The following UQCC2 variants were observed in gnomAD, a reference collection of about 807,000 sequenced individuals.
The protein encoded by UQCC2 is breast cancer-associated protein SGA-81M.
Under a neutral mutation model 19.9 loss-of-function variants are expected in UQCC2, and 21 were observed. The ratio of observed to expected loss-of-function variants is 1.05; its 90% CI spans 0.75 to 1.52. UQCC2 has a LOEUF of 1.52. Ranked by LOEUF, UQCC2 falls within the 40% of genes most tolerant of loss-of-function variation. The pLI, the probability that UQCC2 is intolerant of heterozygous loss-of-function variation, is 0.00. For synonymous variants in UQCC2, 57 were observed against 60.9 expected, an observed-to-expected ratio of 0.94 and a Z score of 0.30; for missense variants, 135 against 157.5, an observed-to-expected ratio of 0.86 and a Z score of 0.76.
At chr6:33,698,513 C>T (rs1000695509) in intron 3 of UQCC2, 4 of 152,188 alleles carry the variant, frequency 2.6e-5, no homozygotes, top group Admixed American at 2.0e-4. Context: ...TGGCACACAG[C>T]CCGCACTCAA....
chr6:33,710,036 G>A lies in UQCC2; in HGVS notation c.138+1513C>T, dbSNP rs527600756. 6.6e-5 allele frequency among the ~76,000 whole-genome samples: 10 copies of A among 152,172 alleles called. No homozygotes were observed. In the East Asian group the frequency reaches 1.4e-3, roughly 21 times the overall value. ...TACCTCAGTAAATGGCACCATCTTA[G>A]ACCTAGATGCCCAGGCCAAAAAATA... On this transcript the variant is annotated intron_variant, in intron 1 of 3. Transcript: ENST00000607484.
At chr6:33,703,098 G>A (rs765641159) in intron 1 of UQCC2, among the ~76,000 whole-genome samples, 1 of 152,226 alleles carries the variant, frequency 6.6e-6, no homozygotes, top group Non-Finnish European at 1.5e-5. Flanking sequence ...TGGTCTCCCT[G>A]CTGCTGGTCA....
chr6:33,700,015 A>C (rs1765620533), intron 3 of UQCC2, among the ~76,000 whole-genome samples: 1 of 152,150 alleles, frequency 6.6e-6, no homozygotes, highest in Non-Finnish European at 1.5e-5. Flanking sequence ...TATCTAACCC[A>C]CAGACCACGT....
chr6:33,701,525 A>G, intron 1 of UQCC2, 105 bp from the exon 2 acceptor site: 1 of 1,131,574 alleles, frequency 8.8e-7, no homozygotes, highest in Non-Finnish European at 1.3e-6. Context: ...CACATGAAGC[A>G]GGCCTGCAGC....
intron 1 of UQCC2, 152 bp from the exon 2 acceptor site, chr6:33,701,572 G>T: frequency 1.6e-6 from 1 of 632,852 alleles, no homozygotes. Flanking sequence ...AAGCAAACCT[G>T]GACTACAGCT....
At chr6:33,711,242 G>C (rs1204607527) in intron 1 of UQCC2, among the ~76,000 whole-genome samples, 1 of 152,184 alleles carries the variant, frequency 6.6e-6, no homozygotes, top group Non-Finnish European at 1.5e-5. Flanking sequence ...GTCATCCTGG[G>C]CTCAAGCGAT....
At position 33,700,475 on chromosome 6, in the gene UQCC2, C is replaced by A; in HGVS notation, c.252G>T (p.Ser84=). 6.2e-7 allele frequency: 1 copy of A among 1,614,174 alleles called. No homozygotes were observed. Among genetic ancestry groups the A allele is most frequent in the Non-Finnish European group, 8.5e-7 (1 of 1,180,026 alleles). ...ACAGGATCAGCTTGTACTCTTCCAA[C>A]GACAGGCCACTGAAGCTGGTGTCTC... ...RPRDTSFSGL[S]LEEYKLILST... Residue 84 remains serine, a synonymous_variant, in exon 3 of 4, where the codon TCG becomes TCT. Transcript: ENST00000607484.
rs368277363 is a variant in UQCC2 at position 33,698,929 on chromosome 6, TAA to T, written c.284-1181_284-1180del. Among the ~76,000 whole-genome samples the T allele has an allele frequency of 3.2e-3, 486 of 152,308 alleles. 1 individual carries two copies. The highest frequency in any genetic ancestry group is 6.5e-3 in the African/African-American group (269 of 41,566). On this transcript the variant is annotated intron_variant, in intron 3 of 3. Coordinates refer to ENST00000607484, the MANE Select transcript of UQCC2 (RefSeq NM_032340.4). Reference sequence around the variant, plus strand: ...ATAATATTGTTTTGCTTTACCAGCCTAAATTTTCACGTTAACAAAACTACTGG... The same window carrying T: ...ATAATATTGTTTTGCTTTACCAGCCTATTTTCACGTTAACAAAACTACTGG...
rs926918888 is a variant in UQCC2, at chr6:33,705,566, A to G, written c.139-4146T>C. On this transcript the variant is annotated intron_variant, in intron 1 of 3. Coordinates refer to ENST00000607484, the MANE Select transcript of UQCC2 (RefSeq NM_032340.4). ...TTTCTAGCCAAGTTCTTACTGCTTG[A>G]GGAGTGATGAAGCCTTGGTCAATGC... 3.9e-4 allele frequency among the ~76,000 whole-genome samples: 59 copies of G among 152,274 alleles called. 1 individual carries two copies. Among genetic ancestry groups the G allele is most frequent in the Non-Finnish European group, 6.3e-4 (43 of 68,026 alleles).
At chr6:33,707,363 G>A (rs6941770) in intron 1 of UQCC2, among the ~76,000 whole-genome samples, 3,233 of 152,312 alleles carry the variant, frequency 0.021, 42 homozygotes, top group South Asian at 0.047. Context: ...TGGCTTCACC[G>A]TGGCCAGCAT....
rs1377090469 is a variant in UQCC2, at chr6:33,697,342, G to T, written c.*311C>A. 2 of 277,620 alleles carry T rather than the reference G, an allele frequency of 7.2e-6. No homozygotes were observed. Among genetic ancestry groups the T allele is most frequent in the Non-Finnish European group, 1.3e-5 (2 of 149,026 alleles). The allele number at this position is 277,620 out of a possible 1,614,324, so 17.2% of individuals were successfully genotyped here. On this transcript the variant is annotated 3_prime_UTR_variant, in exon 4 of 4. Transcript: ENST00000607484. ...GGAGACACCAGACCCGTGCCAGAGG[G>T]GCGGGGGCTCCCGTGGCAATGCAGG...
Position 33,701,205 on chromosome 6 carries a change from T to C in UQCC2, c.213+141A>G, listed in dbSNP as rs375358552. The C allele has an allele frequency of 1.4e-4, 123 of 851,482 alleles. 2 individuals carry two copies. In the Middle Eastern group the frequency reaches 1.7e-3, roughly 12 times the overall value. The allele number at this position is 851,482 out of a possible 1,614,324, so 52.7% of individuals were successfully genotyped here. The stretch of plus-strand genomic sequence containing the variant: ...TAAAAGCCTCTACCAGGCACCTCTG[T>C]TGGCTTGGTTGAAATTACTGGTTTC... On this transcript the variant is annotated intron_variant, in intron 2 of 3. Transcript: ENST00000607484.
At chr6:33,701,280 T>C in intron 2 of UQCC2, 66 bp downstream of exon 2, 2 of 1,502,120 alleles carry the variant, frequency 1.3e-6, no homozygotes, top group East Asian at 2.3e-5. Flanking sequence ...CTAATCAGAT[T>C]TTCACTCATT....
intron 3 of UQCC2, chr6:33,698,035 C>T (rs1036943580): frequency 1.9e-5 from 8 of 424,270 alleles, no homozygotes; most frequent in Middle Eastern, 3.7e-4. Flanking sequence ...TGCTCGTTGC[C>T]CTGCTCCGTA....
chr6:33,700,140 A>G (rs985925313), intron 3 of UQCC2, among the ~76,000 whole-genome samples: 1 of 152,212 alleles, frequency 6.6e-6, no homozygotes, highest in Non-Finnish European at 1.5e-5. Flanking sequence ...ATAAAAATAA[A>G]ATTATTTTCC....
At chr6:33,704,109 C>T (rs980641081) in intron 1 of UQCC2, among the ~76,000 whole-genome samples, 3 of 152,160 alleles carry the variant, frequency 2.0e-5, no homozygotes, top group African/African-American at 7.2e-5. Context: ...GAATTCCGGG[C>T]CTGGAACGCC....
chr6:33,705,580 C>T (rs1765690304), intron 1 of UQCC2, among the ~76,000 whole-genome samples: 1 of 152,074 alleles, frequency 6.6e-6, no homozygotes, highest in Non-Finnish European at 1.5e-5. Flanking sequence ...GTGATGAAGC[C>T]TTGGTCAATG....
chr6:33,711,692 GCCCCGCGTGTTCCCGCCTT>G (rs1160741017), exon 1 of UQCC2: 1 of 1,604,400 alleles, frequency 6.2e-7, no homozygotes, highest in Non-Finnish European at 8.5e-7. Flanking sequence ...GCCATCTTGG[GCCCCGCGTGTTCCCGCCTT>G]AGCGGGAGGA....
At chr6:33,699,668 T>G (rs576697870) in intron 3 of UQCC2, among the ~76,000 whole-genome samples, 64 of 152,226 alleles carry the variant, frequency 4.2e-4, no homozygotes, top group Admixed American at 2.0e-4. Context: ...CACCAGGTTT[T>G]AATCTCAGAA....
Sources: allele counts gnomAD v4.1 joint callset (sites outside exome capture counted in the v4.1 genomes callset), GRCh38; gene constraint gnomAD v4.1.1; transcripts MANE v1.5; gene names NCBI Gene and HGNC (gene_info 2026-07-23, HGNC 2026-07-21).